Variants in NAV2 observed in about 807,000 individuals in gnomAD.
The protein encoded by NAV2 is helicase, APC down-regulated 1.
Under a neutral mutation model 223.2 loss-of-function variants are expected in NAV2, and 54 were observed. The observed-to-expected ratio is 0.24, with a 90% CI of 0.19 to 0.30. The LOEUF is 0.30. Among genes scored for constraint, NAV2 ranks in the 10% least tolerant of loss-of-function variants. NAV2 has a pLI of 1.00. For missense variants in NAV2, 2,806 were observed against 3,147.5 expected (o/e 0.89, Z 2.60); for synonymous variants, 1,279 against 1,239.3 (o/e 1.03, Z -0.67).
intron 1 of NAV2, among the ~76,000 whole-genome samples, chr11:19,418,300 A>T (rs1431518641): frequency 6.6e-6 from 1 of 152,170 alleles, no homozygotes; most frequent in East Asian, 1.9e-4. Flanking sequence ...TCTACATTGC[A>T]TCTGCTTTCA....
chr11:19,345,810 T>A (rs887703656), upstream of NAV2, among the ~76,000 whole-genome samples: 4 of 152,200 alleles, frequency 2.6e-5, no homozygotes, highest in African/African-American at 9.6e-5. This position sits in a 1 kb window ranked among gnomAD's most constrained non-coding sequence, Gnocchi z 5.2. Context: ...TGCCTGAGGC[T>A]GTGCCACCTC....
intron 1 of NAV2, chr11:19,511,744 T>G (rs144326072): frequency 6.0e-4 from 91 of 152,256 alleles, no homozygotes; most frequent in African/African-American, 2.1e-3. Context: ...GAAGCCAGAA[T>G]GAGAGAACCT....
At chr11:19,897,832 C>T (rs186511355) in intron 6 of NAV2, among the ~76,000 whole-genome samples, 2 of 148,220 alleles carry the variant, frequency 1.3e-5, no homozygotes, top group African/African-American at 2.5e-5. Flanking sequence ...CCTTTGATTT[C>T]GTTTTCTCTC....
intron 1 of NAV2, among the ~76,000 whole-genome samples, chr11:19,493,138 G>A (rs75614162): frequency 7.0e-4 from 106 of 152,270 alleles, no homozygotes; most frequent in Middle Eastern, 6.8e-3. Context: ...ACTGGGTGGA[G>A]GCTAGCAATC....
intron 4 of NAV2, among the ~76,000 whole-genome samples, chr11:19,877,472 T>TTTTTTTTTTTTTCTTTTTTTTTTTC (rs1313196964): frequency 5.6e-4 from 66 of 117,792 alleles, no homozygotes; most frequent in African/African-American, 1.6e-3. Flanking sequence ...TCTTCATTCT[T>TTTTTTTTTTTTTCTTTTTTTTTTTC]TTTTTTTTTT....
chr11:20,008,306 C>T (rs548317339), intron 11 of NAV2, among the ~76,000 whole-genome samples: 28 of 152,076 alleles, frequency 1.8e-4, no homozygotes, highest in African/African-American at 6.0e-4. Context: ...TGCAATGAGC[C>T]GAGATCGCAC....
chr11:19,439,337 A>T (rs1287239232), intron 1 of NAV2, among the ~76,000 whole-genome samples: 2 of 152,218 alleles, frequency 1.3e-5, no homozygotes, highest in African/African-American at 2.4e-5. Flanking sequence ...AGGATCAGAA[A>T]AAAATAACTA....
At chr11:19,944,944 CCTTTCCT>C (rs1251043910) in intron 8 of NAV2, among the ~76,000 whole-genome samples, 1 of 146,802 alleles carries the variant, frequency 6.8e-6, no homozygotes, top group Non-Finnish European at 1.5e-5. Context: ...TCCCCTTTCC[CCTTTCCT>C]CTTTCCTTTC....
chr11:19,471,220 C>T (rs2041955296), intron 1 of NAV2, among the ~76,000 whole-genome samples: 1 of 152,124 alleles, frequency 6.6e-6, no homozygotes, highest in South Asian at 2.1e-4. Context: ...GTCAACCATA[C>T]ACACCAAGGA....
intron 1 of NAV2, among the ~76,000 whole-genome samples, chr11:19,531,869 T>C (rs1258530078): frequency 1.3e-5 from 2 of 152,174 alleles, no homozygotes; most frequent in Admixed American, 6.5e-5. Context: ...CACTGCAACT[T>C]CAGAGATATT....
chr11:19,945,481 C>T (rs746568966), intron 8 of NAV2, among the ~76,000 whole-genome samples: 2 of 152,046 alleles, frequency 1.3e-5, no homozygotes, highest in African/African-American at 4.8e-5. Context: ...CTAAAGACAT[C>T]GTCCAACCTT....
At chr11:19,463,442 C>G (rs568092963) in intron 1 of NAV2, among the ~76,000 whole-genome samples, 2 of 152,342 alleles carry the variant, frequency 1.3e-5, no homozygotes, top group South Asian at 4.2e-4. Context: ...GCTCAATGTG[C>G]AACTTTAGCC....
chr11:19,573,458 T>C (rs1451739232), intron 1 of NAV2, among the ~76,000 whole-genome samples: 1 of 152,206 alleles, frequency 6.6e-6, no homozygotes, highest in Non-Finnish European at 1.5e-5. Context: ...ATGGACTCAA[T>C]GACTGTGGCA....
intron 7 of NAV2, among the ~76,000 whole-genome samples, chr11:19,934,564 C>T (rs1165997429): frequency 1.3e-5 from 2 of 152,286 alleles, no homozygotes; most frequent in Admixed American, 6.5e-5. Flanking sequence ...CTTGTAGCAG[C>T]AGCTTCCCTG....
chr11:19,859,629 A>C (rs1187629175), intron 3 of NAV2, among the ~76,000 whole-genome samples: 1 of 152,032 alleles, frequency 6.6e-6, no homozygotes, highest in Admixed American at 6.5e-5. Flanking sequence ...CATCGTCATC[A>C]TGGCCCGTTC....
chr11:19,961,006 G>A (rs926415398), intron 10 of NAV2, among the ~76,000 whole-genome samples: 7 of 152,106 alleles, frequency 4.6e-5, no homozygotes, highest in African/African-American at 9.7e-5. Flanking sequence ...ACAGAGACCC[G>A]AGGGCTCACA....
chr11:19,634,797 C>T (rs1257841567), intron 1 of NAV2, among the ~76,000 whole-genome samples: 2 of 152,146 alleles, frequency 1.3e-5, no homozygotes, highest in African/African-American at 4.8e-5. Context: ...GCTCCTAACT[C>T]AGCCTAGGAA....
intron 11 of NAV2, among the ~76,000 whole-genome samples, chr11:20,028,610 C>T (rs549826316): frequency 9.2e-5 from 14 of 152,190 alleles, no homozygotes; most frequent in Admixed American, 2.0e-4. Context: ...ACACTGCCAT[C>T]TTTCAGATGA....
chr11:19,414,458 AC>A (rs1488494084), intron 1 of NAV2, among the ~76,000 whole-genome samples: 2 of 152,214 alleles, frequency 1.3e-5, no homozygotes, highest in African/African-American at 4.8e-5. Context: ...GATCTTAGAG[AC>A]CTACAAAGAG....
Sources: gnomAD v4.1 joint callset for allele counts (sites outside exome capture counted in the v4.1 genomes callset) on GRCh38, gnomAD v4.1.1 for gene constraint, Gnocchi (gnomAD v3.1) non-coding constraint, MANE v1.5 for transcripts, NCBI Gene and HGNC (gene_info 2026-07-23, HGNC 2026-07-21) for gene names.